The following RNF10 variants were observed in gnomAD, a reference collection of about 807,000 sequenced individuals.
RNF10 encodes ring finger protein 10, also known as E3 ubiquitin-protein ligase RNF10.
RNF10 carries 38 observed loss-of-function variants against 91.4 expected under a neutral mutation model. The ratio of observed to expected loss-of-function variants is 0.42; its 90% CI spans 0.32 to 0.54. The LOEUF (loss-of-function observed/expected upper bound fraction) is 0.54, where lower values mean the gene tolerates loss of function less well. Among genes scored for constraint, RNF10 ranks in the 20% least tolerant of loss-of-function variants. The pLI is 0.16. For missense variants in RNF10, 945 were observed against 1,012.0 expected, an observed-to-expected ratio of 0.93 and a Z score of 0.90; for synonymous variants, 364 against 366.3, an observed-to-expected ratio of 0.99 and a Z score of 0.07.
chr12:120,574,489 G>A (rs1017507937), intron 14 of RNF10: 2 of 455,984 alleles, frequency 4.4e-6, no homozygotes, highest in Non-Finnish European at 8.8e-6. Context: ...GCCTGTGGTT[G>A]GATCTGAAAG....
At chr12:120,554,937 T>C in intron 4 of RNF10, 129 bp downstream of exon 4, 1 of 726,266 alleles carries the variant, frequency 1.4e-6, no homozygotes, top group South Asian at 1.7e-5. Context: ...TATAGATGTT[T>C]CCCAGAGGTC....
intron 10 of RNF10, among the ~76,000 whole-genome samples, chr12:120,564,585 C>A (rs1875389581): frequency 6.6e-6 from 1 of 152,084 alleles, no homozygotes; most frequent in African/African-American, 2.4e-5. Context: ...GCCTGGGCGG[C>A]AGAGCAAGAC....
Position 120,563,355 on chromosome 12 carries a change from G to A in RNF10, c.1263G>A (p.Leu421=), listed in dbSNP as rs771031783. The A allele has an allele frequency of 6.2e-7, 1 of 1,610,692 alleles. No homozygotes were observed. The highest frequency in any genetic ancestry group is 8.5e-7 in the Non-Finnish European group (1 of 1,179,136). ...AGAGTTTGCTGCAACAGGGTGTGCT[G>A]GAGTATCTGTCTGCCTTCGATGAAG... ...ESVFQPRKGV[L]EYLSAFDEET... The change falls in exon 9 of 17, where the codon CTG becomes CTA. Residue 421 remains leucine (L), a synonymous_variant. Transcript: ENST00000325954.
chr12:120,575,523 A>G, intron 14 of RNF10, 108 bp from the exon 15 acceptor site: 1 of 1,183,336 alleles, frequency 8.5e-7, no homozygotes, highest in East Asian at 2.3e-5. Context: ...AAATCTTTTC[A>G]AAGGTGATAG....
intron 7 of RNF10, among the ~76,000 whole-genome samples, chr12:120,562,271 C>CTTTTTTTTT (rs71076634): frequency 6.0e-5 from 6 of 100,100 alleles, no homozygotes; most frequent in African/African-American, 1.5e-4. Flanking sequence ...TTCTTTCTTT[C>CTTTTTTTTT]TTTTTTTTTT....
At chr12:120,543,811 T>A (rs1417878856) in intron 1 of RNF10, among the ~76,000 whole-genome samples, 1 of 149,322 alleles carries the variant, frequency 6.7e-6, no homozygotes, top group Non-Finnish European at 1.5e-5. Context: ...AAAATAAATT[T>A]AAAAATTAGC....
chr12:120,555,612 C>A (rs146861677), intron 4 of RNF10, among the ~76,000 whole-genome samples: 3,663 of 151,556 alleles, frequency 0.024, 77 homozygotes, highest in Non-Finnish European at 0.033. Flanking sequence ...CTCAGCCTCC[C>A]GAGTAACTGG....
intron 6 of RNF10, among the ~76,000 whole-genome samples, chr12:120,560,393 A>G (rs1874672757): frequency 1.3e-5 from 2 of 151,662 alleles, no homozygotes; most frequent in Non-Finnish European, 2.9e-5. Context: ...ATCTCAAGTG[A>G]TCCACCCGCC....
At position 120,534,693 on chromosome 12, in the gene RNF10, C is replaced by T. The variant is rs968573747; in HGVS notation, c.-119C>T. The T allele has an allele frequency of 3.5e-5, 49 of 1,387,552 alleles. No homozygotes were observed. The Admixed American group carries it at 1.0e-3, about 29-fold the overall frequency. The allele number at this position is 1,387,552 out of a possible 1,614,324, so 86.0% of individuals were successfully genotyped here. On this transcript the variant is annotated 5_prime_UTR_variant, in exon 1 of 17. Coordinates refer to ENST00000325954, the MANE Select transcript of RNF10 (RefSeq NM_014868.5). ...CAAGGAAGGAAACAGGGAAAAATGT[C>T]GCCATGAAGGCCGAGAACCGCTGCC...
chr12:120,556,760 CTT>C (rs1874088790), intron 4 of RNF10, among the ~76,000 whole-genome samples: 1 of 151,938 alleles, frequency 6.6e-6, no homozygotes, highest in Non-Finnish European at 1.5e-5. Context: ...TGATTTGTCA[CTT>C]TTTTCTATTT....
intron 14 of RNF10, among the ~76,000 whole-genome samples, chr12:120,573,536 C>T (rs532017773): frequency 6.6e-6 from 1 of 151,654 alleles, no homozygotes; most frequent in East Asian, 1.9e-4. Context: ...GATACTGTCT[C>T]AGTCCATTTG....
chr12:120,546,403 A>G lies in RNF10; in HGVS notation c.158-2A>G. ...ACGTTCTTTTGTGTTTCTTGCTTTC[A>G]GATGGAAAGAACTCCAGTGGATCCA... On this transcript the variant is annotated splice_acceptor_variant, in intron 1 of 16. Transcript: ENST00000325954. LOFTEE classifies it high-confidence loss of function. The G allele has an allele frequency of 1.2e-6, 2 of 1,603,614 alleles. No homozygotes were observed.
At chr12:120,569,000 C>T (rs1263449920) in intron 13 of RNF10, among the ~76,000 whole-genome samples, 2 of 151,488 alleles carry the variant, frequency 1.3e-5, no homozygotes, top group South Asian at 2.1e-4. Context: ...GATGGAGTTT[C>T]GCTCTTGTTG....
At chr12:120,546,711 G>A in intron 2 of RNF10, 110 bp downstream of exon 2, 2 of 950,918 alleles carry the variant, frequency 2.1e-6, no homozygotes, top group African/African-American at 1.6e-5. Flanking sequence ...TAGAGGAATA[G>A]ATAATCAAAG....
At chr12:120,559,505 G>A (rs979194705) in intron 6 of RNF10, among the ~76,000 whole-genome samples, 61 of 151,570 alleles carry the variant, frequency 4.0e-4, no homozygotes, top group African/African-American at 1.4e-3. Context: ...CTGCCTCAGC[G>A]TCCTGAGTAG....
chr12:120,577,348 A>T lies in RNF10; in HGVS notation c.*682A>T. 1 of 353,096 alleles carries T rather than the reference A, an allele frequency of 2.8e-6. No homozygotes were observed. The highest frequency in any genetic ancestry group is 8.8e-5 in the East Asian group (1 of 11,360). 21.9% of individuals were successfully genotyped at this position (353,096 alleles called of 1,614,324 possible). ...GAAGCCCTGAGACCTGCTACCCCTA[A>T]GATCGAGCTTGTTTTCAGTGACTGG... On this transcript the variant is annotated 3_prime_UTR_variant, in exon 17 of 17. Transcript: ENST00000325954.
chr12:120,551,290 G>GTTT (rs63002361), intron 2 of RNF10, among the ~76,000 whole-genome samples: 3,988 of 82,896 alleles, frequency 0.048, 349 homozygotes, highest in African/African-American at 0.095. Context: ...CCATCCTAGT[G>GTTT]TTTTTTTTTT....
rs750003149 is a variant in RNF10 at position 120,575,855 on chromosome 12, G to A, written c.2264G>A (p.Arg755His). The A allele has an allele frequency of 1.2e-5, 20 of 1,614,172 alleles. 1 individual carries two copies. Among genetic ancestry groups the A allele is most frequent in the Middle Eastern group, 1.6e-4 (1 of 6,062 alleles). Residue 755 changes from arginine (R) to histidine (H), a missense_variant, in exon 16 of 17, where the codon CGT becomes CAT. Physicochemically the swap from Arg to His is conservative, Grantham distance 29. Coordinates refer to ENST00000325954, the MANE Select transcript of RNF10 (RefSeq NM_014868.5). ...GACGGGGAGAGTGATAATTCAGACC[G>A]TGTTCCTGTGCCCAGTTTTCAAAAT... is the stretch of plus-strand genomic sequence containing the variant. ...DSDGESDNSD[R>H]VPVPSFQNSF...
chr12:120,543,947 G>T (rs535072901), intron 1 of RNF10, among the ~76,000 whole-genome samples: 3 of 152,236 alleles, frequency 2.0e-5, no homozygotes, highest in Non-Finnish European at 4.4e-5. Flanking sequence ...AATAAAACAT[G>T]CTGGGCATGG....
Sources: gnomAD v4.1 joint callset for allele counts (sites outside exome capture counted in the v4.1 genomes callset) on GRCh38, gnomAD v4.1.1 for gene constraint, MANE v1.5 for transcripts, NCBI Gene and HGNC (gene_info 2026-07-23, HGNC 2026-07-21) for gene names.